Variants in LPIN1 observed in about 807,000 individuals in gnomAD.
LPIN1 encodes lipin 1, also known as phosphatidate phosphatase LPIN1.
In LPIN1, 71 loss-of-function variants were observed where a neutral mutation model predicts 107.5. The observed-to-expected ratio is 0.66, with a 90% CI of 0.55 to 0.80. The LOEUF is 0.80. Among genes scored for constraint, LPIN1 ranks in the 30% least tolerant of loss-of-function variants. LPIN1 has a pLI of 0.00. For synonymous variants in LPIN1, 445 were observed against 452.6 expected (o/e 0.98, Z 0.21); for missense variants, 1,043 against 1,160.6 (o/e 0.90, Z 1.47).
At chr2:11,787,398 C>CTTTTTTTTTTT in intron 11 of LPIN1, among the ~76,000 whole-genome samples, 138 of 64,478 alleles carry the variant, frequency 2.1e-3, no homozygotes, top group East Asian at 4.2e-3. Context: ...TTTTCTTTTT[C>CTTTTTTTTTTT]TTTTTTTTTT....
intron 1 of LPIN1, among the ~76,000 whole-genome samples, chr2:11,694,439 C>T (rs1192455217): frequency 1.3e-5 from 2 of 152,192 alleles, no homozygotes; most frequent in Non-Finnish European, 2.9e-5. Context: ...TGGTAAAGCT[C>T]CTCTGACCCC....
At chr2:11,756,457 C>A (rs1266265080) in intron 1 of LPIN1, among the ~76,000 whole-genome samples, 1 of 152,120 alleles carries the variant, frequency 6.6e-6, no homozygotes, top group Non-Finnish European at 1.5e-5. Flanking sequence ...GACGTGATCT[C>A]AGCCCATTGC....
chr2:11,780,417 G>A (rs1052207326), intron 7 of LPIN1, among the ~76,000 whole-genome samples: 2 of 152,188 alleles, frequency 1.3e-5, no homozygotes, highest in East Asian at 3.9e-4. Context: ...CACACAGAGA[G>A]ACATCTGGGA....
In LPIN1 at chr2:11,771,247, A is replaced by G. The variant is rs1479541706; in HGVS notation, c.289-125A>G. ...CATGGCTGTGGCCTCTAGCTGGGCCATCTGCTGTGGCCCTCCCCAGGAGGT... is the reference window on the plus strand; with the variant it reads ...CATGGCTGTGGCCTCTAGCTGGGCCGTCTGCTGTGGCCCTCCCCAGGAGGT... On this transcript the variant is annotated intron_variant, in intron 3 of 20. Transcript: ENST00000674199. The surrounding 1 kb of genome is among the most constrained non-coding windows in gnomAD (Gnocchi z 4.8). 2 of 889,768 alleles carry G rather than the reference A, an allele frequency of 2.2e-6. No individual in the cohort carries two copies. Among genetic ancestry groups the G allele is most frequent in the Middle Eastern group, 3.1e-4 (1 of 3,208 alleles). 55.1% of individuals were successfully genotyped at this position (889,768 alleles called of 1,614,324 possible).
chr2:11,821,977 A>G (rs923447990), intron 20 of LPIN1, among the ~76,000 whole-genome samples: 1 of 152,050 alleles, frequency 6.6e-6, no homozygotes, highest in Admixed American at 6.5e-5. Context: ...TGCCACCTCC[A>G]CTGTTCTAAG....
At chr2:11,748,708 G>C (rs543203022) in intron 1 of LPIN1, among the ~76,000 whole-genome samples, 14 of 152,276 alleles carry the variant, frequency 9.2e-5, no homozygotes, top group Non-Finnish European at 1.5e-4. Context: ...GGCTTTTCCG[G>C]ACCATCTGTG....
chr2:11,750,451 T>C (rs1667619182), intron 1 of LPIN1, among the ~76,000 whole-genome samples: 1 of 152,222 alleles, frequency 6.6e-6, no homozygotes, highest in Non-Finnish European at 1.5e-5. Context: ...TAATATTCTT[T>C]GCCTCTGTCT....
intron 17 of LPIN1, among the ~76,000 whole-genome samples, chr2:11,810,110 G>A (rs1478966009): frequency 6.6e-6 from 1 of 152,198 alleles, no homozygotes; most frequent in East Asian, 1.9e-4. Context: ...ACCAGGAGCT[G>A]TCCTAGGTGC....
chr2:11,807,823 A>C (rs978715458), intron 17 of LPIN1, among the ~76,000 whole-genome samples: 25 of 152,124 alleles, frequency 1.6e-4, no homozygotes, highest in Middle Eastern at 3.2e-3. Context: ...AGCTTTCTAC[A>C]ACCTTCAGGG....
chr2:11,780,435 G>A (rs1673397447), intron 7 of LPIN1, among the ~76,000 whole-genome samples: 1 of 152,158 alleles, frequency 6.6e-6, no homozygotes, highest in African/African-American at 2.4e-5. Context: ...GGAGAGCCCT[G>A]GGAGAGGGAA....
At chr2:11,787,027 G>T (rs904824215) in intron 10 of LPIN1, 47 bp from the exon 11 acceptor site, 1 of 1,377,610 alleles carries the variant, frequency 7.3e-7, no homozygotes, top group Non-Finnish European at 1.0e-6. Flanking sequence ...ATTTTGAACT[G>T]AATTTTCTTT....
intron 3 of LPIN1, among the ~76,000 whole-genome samples, chr2:11,769,736 C>T (rs931498405): frequency 1.3e-5 from 2 of 152,136 alleles, no homozygotes; most frequent in African/African-American, 4.8e-5. Context: ...TAAGACAGAC[C>T]ACTTCCTTAA....
chr2:11,752,483 G>GT (rs368525358), intron 1 of LPIN1, among the ~76,000 whole-genome samples: 49,837 of 128,584 alleles, frequency 0.39, 10,284 homozygotes, highest in African/African-American at 0.5. Flanking sequence ...CCAGGCTGGA[G>GT]TGCAGTGGCG....
At chr2:11,770,421 C>G (rs1165154240) in intron 3 of LPIN1, among the ~76,000 whole-genome samples, 1 of 152,164 alleles carries the variant, frequency 6.6e-6, no homozygotes, top group Non-Finnish European at 1.5e-5. Context: ...TGCCCATTCC[C>G]TTCCAGCCCA....
chr2:11,754,802 C>CA (rs1486436785), intron 1 of LPIN1, among the ~76,000 whole-genome samples: 3 of 152,154 alleles, frequency 2.0e-5, no homozygotes, highest in Admixed American at 2.0e-4. Flanking sequence ...AGTTAACACT[C>CA]ACAGCCAGGC....
intron 1 of LPIN1, among the ~76,000 whole-genome samples, chr2:11,705,704 G>A (rs1223842270): frequency 6.6e-6 from 1 of 152,204 alleles, no homozygotes; most frequent in Admixed American, 6.5e-5. Context: ...ATCAAAGGGA[G>A]CAAGTGGGAA....
chr2:11,757,110 G>C (rs1198830638), intron 1 of LPIN1, among the ~76,000 whole-genome samples: 1 of 152,204 alleles, frequency 6.6e-6, no homozygotes, highest in African/African-American at 2.4e-5. Context: ...GTGAGGTGAA[G>C]CTGCTATTTC....
chr2:11,799,431 GCC>G (rs1677295875), intron 14 of LPIN1, among the ~76,000 whole-genome samples: 1 of 122,504 alleles, frequency 8.2e-6, no homozygotes, highest in Non-Finnish European at 1.7e-5. Flanking sequence ...GGGGCCTGTA[GCC>G]TCGTTCTTCT....
Position 11,782,307 on chromosome 2 carries a change from G to T in LPIN1, c.1064G>T (p.Ser355Ile). 4 of 1,614,170 alleles carry T rather than the reference G, an allele frequency of 2.5e-6. No homozygotes were observed. Among genetic ancestry groups the T allele is most frequent in the Non-Finnish European group, 3.4e-6 (4 of 1,180,034 alleles). Residue 355 changes from serine to isoleucine, a missense_variant, in exon 8 of 21, where the codon AGT becomes ATT. Coordinates refer to ENST00000674199, the MANE Select transcript of LPIN1 (RefSeq NM_001349206.2). Reference sequence around the variant, plus strand: ...CACAGCGAATCTTCAGACACTTTTAGTGACCAATCGCCAACTCTGGTCGGT... The same window carrying T: ...CACAGCGAATCTTCAGACACTTTTATTGACCAATCGCCAACTCTGGTCGGT... ...AIHSESSDTF[S>I]DQSPTLVGGA...
Sources: allele counts gnomAD v4.1 joint callset (sites outside exome capture counted in the v4.1 genomes callset), GRCh38; gene constraint gnomAD v4.1.1; non-coding constraint Gnocchi (gnomAD v3.1); transcripts MANE v1.5; gene names NCBI Gene and HGNC (gene_info 2026-07-23, HGNC 2026-07-21).